ROBO1: variants seen among roughly 807,000 people sequenced by gnomAD.
ROBO1 encodes the protein roundabout homolog 1.
A neutral mutation model predicts 195.9 loss-of-function variants in ROBO1; 149 were observed. The observed-to-expected ratio is 0.76, with a 90% CI of 0.67 to 0.87. The LOEUF (loss-of-function observed/expected upper bound fraction) is 0.87. ROBO1 is among the 40% of genes least tolerant of loss of function. ROBO1 has a pLI of 0.00. For synonymous variants in ROBO1, 816 were observed against 733.2 expected (o/e 1.11, Z -1.82); for missense variants, 1,933 against 2,068.3 (o/e 0.93, Z 1.27).
intron 3 of ROBO1, among the ~76,000 whole-genome samples, chr3:79,031,400 A>G (rs2078293690): frequency 6.6e-6 from 1 of 152,246 alleles, no homozygotes; most frequent in South Asian, 2.1e-4. Context: ...ATAAAGGAAT[A>G]TCTCAGGCAA....
intron 3 of ROBO1, among the ~76,000 whole-genome samples, chr3:78,979,745 A>AT (rs1397853689): frequency 6.6e-6 from 1 of 152,038 alleles, no homozygotes; most frequent in Non-Finnish European, 1.5e-5. Flanking sequence ...GCCCCCTGGC[A>AT]TAAGAAACAA....
At chr3:78,713,150 C>T (rs1192637303) in intron 8 of ROBO1, among the ~76,000 whole-genome samples, 1 of 152,076 alleles carries the variant, frequency 6.6e-6, no homozygotes, top group African/African-American at 2.4e-5. Flanking sequence ...GTAGTCTTGG[C>T]CTTAGAAACT....
At chr3:78,707,804 CT>C (rs2081589320) in intron 8 of ROBO1, among the ~76,000 whole-genome samples, 1 of 152,168 alleles carries the variant, frequency 6.6e-6, no homozygotes, top group Non-Finnish European at 1.5e-5. Context: ...AAACATACCA[CT>C]TCCTGTGACT....
At chr3:79,686,201 G>T (rs1055622216) in intron 1 of ROBO1, among the ~76,000 whole-genome samples, 1 of 152,108 alleles carries the variant, frequency 6.6e-6, no homozygotes, top group Non-Finnish European at 1.5e-5. Context: ...CAATAAATTA[G>T]GTATTGATGG....
At chr3:79,279,599 T>G (rs1428191212) in intron 2 of ROBO1, among the ~76,000 whole-genome samples, 1 of 152,140 alleles carries the variant, frequency 6.6e-6, no homozygotes, top group Non-Finnish European at 1.5e-5. Context: ...GCAATCACAT[T>G]ACTGGGAATT....
intron 2 of ROBO1, among the ~76,000 whole-genome samples, chr3:79,154,153 A>G (rs1232813846): frequency 6.6e-6 from 1 of 151,794 alleles, no homozygotes; most frequent in Non-Finnish European, 1.5e-5. Flanking sequence ...CTGCCCATAC[A>G]TAATGGGTTC....
At chr3:78,614,191 C>T (rs1297293055) in intron 28 of ROBO1, among the ~76,000 whole-genome samples, 1 of 152,024 alleles carries the variant, frequency 6.6e-6, no homozygotes, top group Admixed American at 6.6e-5. Flanking sequence ...TCTTTTGATG[C>T]CCAAAATAAC....
chr3:79,653,662 C>T (rs1358834325), intron 1 of ROBO1, among the ~76,000 whole-genome samples: 8 of 151,876 alleles, frequency 5.3e-5, no homozygotes, highest in Admixed American at 2.6e-4. Flanking sequence ...ATCGGTAGAT[C>T]GTCTTTTGTG....
At chr3:78,794,249 T>C (rs926117190) in intron 4 of ROBO1, among the ~76,000 whole-genome samples, 1 of 152,114 alleles carries the variant, frequency 6.6e-6, no homozygotes, top group Non-Finnish European at 1.5e-5. Flanking sequence ...TCCCTATCAA[T>C]ATAATGGACA....
intron 1 of ROBO1, among the ~76,000 whole-genome samples, chr3:79,674,835 TGTG>T (rs564884601): frequency 9.8e-6 from 1 of 101,866 alleles, no homozygotes. Context: ...TCCGTGTGTG[TGTG>T]TGTGTGTGTG....
chr3:79,093,394 G>A (rs140967973), intron 3 of ROBO1, among the ~76,000 whole-genome samples: 6 of 152,140 alleles, frequency 3.9e-5, no homozygotes, highest in African/African-American at 1.2e-4. Flanking sequence ...AAAAATATGT[G>A]CTGATTTGAA....
intron 3 of ROBO1, among the ~76,000 whole-genome samples, chr3:79,035,279 T>C (rs2078363268): frequency 6.6e-6 from 1 of 152,222 alleles, no homozygotes; most frequent in African/African-American, 2.4e-5. Context: ...TTTACTTTCC[T>C]ATTTTTGCAG....
chr3:79,746,379 A>T (rs1339486340), intron 1 of ROBO1, among the ~76,000 whole-genome samples: 1 of 152,020 alleles, frequency 6.6e-6, no homozygotes, highest in Non-Finnish European at 1.5e-5. Flanking sequence ...TGATACAAGC[A>T]TTAATTAATT....
At chr3:79,544,966 A>G (rs894067816) in intron 2 of ROBO1, among the ~76,000 whole-genome samples, 1 of 152,178 alleles carries the variant, frequency 6.6e-6, no homozygotes, top group African/African-American at 2.4e-5. Flanking sequence ...AGGAGATGAA[A>G]TAATACATGT....
chr3:78,768,970 C>G (rs11922305), intron 4 of ROBO1, among the ~76,000 whole-genome samples: 16 of 151,842 alleles, frequency 1.1e-4, no homozygotes, highest in Admixed American at 2.6e-4. Flanking sequence ...TATTGAGGCT[C>G]GTTTTATAGC....
At chr3:78,713,272 C>CT (rs112214497) in intron 8 of ROBO1, among the ~76,000 whole-genome samples, 4 of 151,842 alleles carry the variant, frequency 2.6e-5, no homozygotes, top group Non-Finnish European at 5.9e-5. Context: ...ATTCTTTACT[C>CT]TTTTTTTTCT....
At chr3:79,252,505 G>A (rs1451134971) in intron 2 of ROBO1, among the ~76,000 whole-genome samples, 1 of 152,144 alleles carries the variant, frequency 6.6e-6, no homozygotes, top group Non-Finnish European at 1.5e-5. Context: ...GGAGGAGCAT[G>A]ACCCTGCCAA....
Position 78,599,021 on chromosome 3 carries a change from T to C in ROBO1, c.4942-94A>G, listed in dbSNP as rs182756906. ...TGCATTTATTATTATTATAATTTAATGTGTCTTTTCATTTATTCAATGGAC... is the reference window on the plus strand; with the variant it reads ...TGCATTTATTATTATTATAATTTAACGTGTCTTTTCATTTATTCAATGGAC... On this transcript the variant is annotated intron_variant, in intron 30 of 30. Coordinates refer to ENST00000464233, the MANE Select transcript of ROBO1 (RefSeq NM_002941.4). 10 of 704,340 alleles carry C rather than the reference T, an allele frequency of 1.4e-5. No individual in the cohort carries two copies. The Admixed American group carries it at 2.6e-4, about 18-fold the overall frequency. 43.6% of individuals were successfully genotyped at this position (704,340 alleles called of 1,614,324 possible). A position where few individuals can be genotyped will look rare whatever the true frequency, so the allele number is the denominator to read the frequency against.
chr3:78,646,086 G>T, intron 21 of ROBO1, 62 bp downstream of exon 21: 1 of 1,391,164 alleles, frequency 7.2e-7, no homozygotes, highest in Non-Finnish European at 1.0e-6. Context: ...TGGTGTCATT[G>T]AGGAAGATGA....
Sources: gnomAD v4.1 joint callset for allele counts (sites outside exome capture counted in the v4.1 genomes callset) on GRCh38, gnomAD v4.1.1 for gene constraint, MANE v1.5 for transcripts, NCBI Gene and HGNC (gene_info 2026-07-23, HGNC 2026-07-21) for gene names.